The following TAFA2 variants were observed in gnomAD, a reference collection of about 807,000 sequenced individuals.
TAFA2 encodes the protein chemokine-like protein TAFA-2.
A neutral mutation model predicts 18.8 loss-of-function variants in TAFA2; 7 were observed. The ratio of observed to expected loss-of-function variants is 0.37; its 90% confidence interval spans 0.21 to 0.70. The LOEUF is 0.70. Among genes scored for constraint, TAFA2 ranks in the 30% least tolerant of loss-of-function variants. TAFA2 has a pLI of 0.53. For synonymous variants in TAFA2, 60 were observed against 54.2 expected, an observed-to-expected ratio of 1.11 and a Z score of -0.47; for missense variants, 122 against 158.1, an observed-to-expected ratio of 0.77 and a Z score of 1.23.
chr12:61,735,887 G>A (rs899028537), intron 4 of TAFA2, among the ~76,000 whole-genome samples: 10 of 151,890 alleles, frequency 6.6e-5, no homozygotes, highest in Non-Finnish European at 1.5e-4. Context: ...TGAGACTGGG[G>A]CCATAATCTT....
rs147924240 is a variant in TAFA2, at chr12:62,009,414, G to A, written c.-1-141988C>T. ...TGTAGCAGGAACCAATAGCTGCTGG[G>A]AATTTGAAGATTATACATAATCCCA... On this transcript the variant is annotated intron_variant, in intron 1 of 4. Transcript: ENST00000416284. Among the ~76,000 whole-genome samples, 18 of 152,202 alleles carry A rather than the reference G, an allele frequency of 1.2e-4. No homozygotes were observed. In the East Asian group the frequency reaches 3.5e-3, roughly 29 times the overall value.
At chr12:61,783,526 T>A (rs955264281) in intron 2 of TAFA2, among the ~76,000 whole-genome samples, 5 of 151,572 alleles carry the variant, frequency 3.3e-5, no homozygotes, top group African/African-American at 9.7e-5. Flanking sequence ...TCAATAAGTG[T>A]TTATGGAATT....
chr12:61,999,553 C>A (rs534600376), intron 1 of TAFA2, among the ~76,000 whole-genome samples: 3 of 152,150 alleles, frequency 2.0e-5, no homozygotes, highest in Non-Finnish European at 4.4e-5. Flanking sequence ...TGACTGAAAT[C>A]CTGTCATGTG....
At chr12:62,079,663 CAAAA>C (rs372534984) in intron 1 of TAFA2, among the ~76,000 whole-genome samples, 1 of 122,580 alleles carries the variant, frequency 8.2e-6, no homozygotes. Flanking sequence ...GACTCTGTCT[CAAAA>C]AAAAAAAAAA....
At chr12:62,091,858 G>C (rs2136835148) in intron 1 of TAFA2, among the ~76,000 whole-genome samples, 1 of 152,058 alleles carries the variant, frequency 6.6e-6, no homozygotes, top group Middle Eastern at 3.4e-3. Context: ...TTGCTATTAA[G>C]TGTTTTTAAT....
At chr12:62,065,191 G>T (rs916805596) in intron 1 of TAFA2, among the ~76,000 whole-genome samples, 3 of 151,880 alleles carry the variant, frequency 2.0e-5, no homozygotes, top group Non-Finnish European at 4.4e-5. Context: ...TATAAGCTTT[G>T]CATGAAATCA....
At chr12:61,837,231 C>T (rs184832109) in intron 2 of TAFA2, among the ~76,000 whole-genome samples, 222 of 151,968 alleles carry the variant, frequency 1.5e-3, no homozygotes, top group African/African-American at 5.2e-3. Context: ...ATGAAAACCA[C>T]ATTTATTTGT....
At chr12:62,234,310 G>C (rs2062825578) in intron 1 of TAFA2, 1 of 456,726 alleles carries the variant, frequency 2.2e-6, no homozygotes, top group Non-Finnish European at 4.2e-6. Flanking sequence ...AATGAATATA[G>C]AACTTGAAGA....
At chr12:61,818,488 A>AATACACAC (rs1872182495) in intron 2 of TAFA2, among the ~76,000 whole-genome samples, 3 of 118,764 alleles carry the variant, frequency 2.5e-5, no homozygotes, top group African/African-American at 1.2e-4. Context: ...GTCTCAAAAA[A>AATACACAC]ATACACACAC....
At chr12:62,236,673 G>A (rs1277027240) in intron 1 of TAFA2, among the ~76,000 whole-genome samples, 1 of 152,096 alleles carries the variant, frequency 6.6e-6, no homozygotes, top group Non-Finnish European at 1.5e-5. Context: ...TCAGCTTTTG[G>A]TTGTCTGGGA....
chr12:62,054,889 AT>A (rs918985093), intron 1 of TAFA2, among the ~76,000 whole-genome samples: 21 of 152,160 alleles, frequency 1.4e-4, no homozygotes, highest in Non-Finnish European at 2.1e-4. Context: ...TTAAAACAGT[AT>A]TTTTTTATCT....
chr12:61,861,793 C>T (rs567120075), intron 2 of TAFA2, among the ~76,000 whole-genome samples: 73 of 151,670 alleles, frequency 4.8e-4, no homozygotes, highest in African/African-American at 1.5e-3. Flanking sequence ...CACTGTACAC[C>T]GTAAATAAGT....
At chr12:61,992,627 T>A (rs562728740) in intron 1 of TAFA2, among the ~76,000 whole-genome samples, 1 of 152,164 alleles carries the variant, frequency 6.6e-6, no homozygotes, top group Non-Finnish European at 1.5e-5. Context: ...AAACCCAACA[T>A]CTTCACCATA....
At chr12:61,905,467 AC>A (rs1876306410) in intron 1 of TAFA2, among the ~76,000 whole-genome samples, 1 of 152,306 alleles carries the variant, frequency 6.6e-6, no homozygotes, top group African/African-American at 2.4e-5. Flanking sequence ...TTATTAGCTT[AC>A]CCCCTCAGAA....
intron 1 of TAFA2, among the ~76,000 whole-genome samples, chr12:62,201,601 G>A (rs1419150237): frequency 6.6e-6 from 1 of 152,196 alleles, no homozygotes; most frequent in Non-Finnish European, 1.5e-5. Flanking sequence ...CTTGATCATG[G>A]TGGATAAGCT....
At chr12:62,057,737 T>C (rs1882223681) in intron 1 of TAFA2, among the ~76,000 whole-genome samples, 1 of 152,186 alleles carries the variant, frequency 6.6e-6, no homozygotes, top group South Asian at 2.1e-4. Context: ...TTTAGGCCAC[T>C]TTAAATCCTT....
At chr12:62,077,985 C>A (rs1486680412) in intron 1 of TAFA2, among the ~76,000 whole-genome samples, 1 of 152,182 alleles carries the variant, frequency 6.6e-6, no homozygotes, top group African/African-American at 2.4e-5. Flanking sequence ...ATCACACATT[C>A]AAATAATCTG....
chr12:61,816,323 C>G (rs373315156), intron 2 of TAFA2, among the ~76,000 whole-genome samples: 8 of 151,500 alleles, frequency 5.3e-5, no homozygotes, highest in East Asian at 3.9e-4. Context: ...TAGACTCCAG[C>G]TCCATCCATG....
Position 61,750,412 on chromosome 12 carries a change from A to G in TAFA2, c.384+3210T>C, listed in dbSNP as rs542208289. ...AAATTAAATGCTTGGGTGTGTGAAG[A>G]ACAGGTATGCAACAAAACACTCAAG... On this transcript the variant is annotated intron_variant, in intron 4 of 4. Coordinates refer to ENST00000416284, the MANE Select transcript of TAFA2 (RefSeq NM_178539.5). Among the ~76,000 whole-genome samples the G allele has an allele frequency of 2.0e-5, 3 of 152,258 alleles. No individual in the cohort carries two copies. In the South Asian group the frequency reaches 6.2e-4, roughly 32 times the overall value.
Sources: allele counts gnomAD v4.1 joint callset (sites outside exome capture counted in the v4.1 genomes callset), GRCh38; gene constraint gnomAD v4.1.1; transcripts MANE v1.5; gene names NCBI Gene and HGNC (gene_info 2026-07-23, HGNC 2026-07-21).